SPTB: variants seen among roughly 807,000 people sequenced by gnomAD.
The protein encoded by SPTB is spectrin beta chain, erythrocytic.
SPTB carries 45 observed loss-of-function variants against 256.2 expected under a neutral mutation model. That is an observed-to-expected ratio of 0.18 (90% CI 0.14 to 0.23). The LOEUF (loss-of-function observed/expected upper bound fraction) is 0.23. SPTB is among the 10% of genes least tolerant of loss of function. The pLI, the probability that SPTB is intolerant of heterozygous loss-of-function variation, is 1.00. For synonymous variants in SPTB, 1,231 were observed against 1,243.1 expected, an observed-to-expected ratio of 0.99 and a Z score of 0.21; for missense variants, 2,715 against 3,040.4, an observed-to-expected ratio of 0.89 and a Z score of 2.52.
chr14:64,846,173 ACAGAAGCC>A (rs1031713522), intron 1 of SPTB, among the ~76,000 whole-genome samples: 3 of 152,296 alleles, frequency 2.0e-5, no homozygotes, highest in Middle Eastern at 3.4e-3. Flanking sequence ...CTCCCTACAC[ACAGAAGCC>A]CGATCTCAAC....
At chr14:64,838,470 C>G (rs754724852) in intron 1 of SPTB, among the ~76,000 whole-genome samples, 1 of 152,108 alleles carries the variant, frequency 6.6e-6, no homozygotes, top group Non-Finnish European at 1.5e-5. Context: ...CACGGACTAG[C>G]TGGAATGTTT....
rs2082522585 is a variant in SPTB, at chr14:64,784,244, T to C, written c.4002+3A>G. The C allele has an allele frequency of 6.2e-7, 1 of 1,614,080 alleles. No individual in the cohort carries two copies. Among genetic ancestry groups the C allele is most frequent in the Non-Finnish European group, 8.5e-7 (1 of 1,180,028 alleles). On this transcript the variant is annotated splice_donor_region_variant and intron_variant, in intron 19 of 35. Transcript: ENST00000644917. The stretch of plus-strand genomic sequence containing the variant: ...CCACCCGCCGCCCAATCACTTTACT[T>C]ACCGCATCGATGTTCTCTAGCCACC...
chr14:64,798,085 C>A (rs534149413), intron 9 of SPTB, among the ~76,000 whole-genome samples: 1 of 152,292 alleles, frequency 6.6e-6, no homozygotes, highest in Non-Finnish European at 1.5e-5. Context: ...AGAGAAAACA[C>A]AATGGCCACC....
chr14:64,755,741 C>G (rs966450165), intron 32 of SPTB: 2 of 151,914 alleles, frequency 1.3e-5, no homozygotes, highest in Non-Finnish European at 2.9e-5. Context: ...AATATCTATG[C>G]AGGAAGGAAC....
rs1192200629 is a variant in SPTB, at chr14:64,774,404, G to A, written c.4966C>T (p.Pro1656Ser). Residue 1656 changes from proline to serine, a missense_variant, in exon 24 of 36, where the codon CCT becomes TCT. Physicochemically the swap from Pro to Ser is moderately conservative, Grantham distance 74 (BLOSUM62 -1). This residue lies in a region of SPTB where 2,239 missense variants were observed against 2,384.4 expected (regional missense o/e 0.94). Transcript: ENST00000644917. ...RAQGLLSAGH[P>S]EGEQIIRLQG... is the part of the protein sequence containing the mutation. ...CACAGGGGGCGCACGCACCCCTCAG[G>A]GTGGCCTGCAGACAGCAGGCCCTGG... The A allele has an allele frequency of 1.3e-6, 2 of 1,587,396 alleles. No homozygotes were observed. Among genetic ancestry groups the A allele is most frequent in the African/African-American group, 2.7e-5 (2 of 74,554 alleles).
rs928967104 is a variant in SPTB at position 64,807,587 on chromosome 14, A to G, written c.149-2497T>C. The stretch of plus-strand genomic sequence containing the variant: ...AACGCTTTGCAATGTTGAGACACAG[A>G]AAGATTTCGAGAGGCTAATGATGAT... On this transcript the variant is annotated intron_variant, in intron 2 of 35. Transcript: ENST00000644917. The surrounding 1 kb of genome is among the most constrained non-coding windows in gnomAD (Gnocchi z 4.7). Among the ~76,000 whole-genome samples, 9 of 152,216 alleles carry G rather than the reference A, an allele frequency of 5.9e-5. No individual in the cohort carries two copies. The highest frequency in any genetic ancestry group is 2.2e-4 in the African/African-American group (9 of 41,446).
At chr14:64,854,641 C>G (rs1566804455) in intron 1 of SPTB, among the ~76,000 whole-genome samples, 1 of 151,984 alleles carries the variant, frequency 6.6e-6, no homozygotes, top group South Asian at 2.1e-4. Flanking sequence ...TCTGGACTCT[C>G]TATATTAGTT....
rs868213482 is a variant in SPTB at position 64,819,681 on chromosome 14, C to T, written c.148+3266G>A. ...GCTTTTCCTTCCAACTCAGAACTTC[C>T]AAGGCAAAGGAGGGTGGGGGTTAAG... On this transcript the variant is annotated intron_variant, in intron 2 of 35. Coordinates refer to ENST00000644917, the MANE Select transcript of SPTB (RefSeq NM_001355436.2). Among the ~76,000 whole-genome samples the T allele has an allele frequency of 4.3e-4, 65 of 152,180 alleles. 1 individual carries two copies. In the Middle Eastern group the frequency reaches 0.017, roughly 40 times the overall value.
In SPTB at chr14:64,784,370, C is replaced by T. The variant is rs145433957; in HGVS notation, c.3879G>A (p.Lys1293=). Residue 1293 remains lysine, a synonymous_variant, in exon 19 of 36, where the codon AAG becomes AAA. Transcript: ENST00000644917. ...AGGAGACATCCTGAGATGTCAGCAG[C>T]TTGTCGTTGATCCAGAGAGTGAGCT... ...CQELTLWIND[K]LLTSQDVSYD... 1.3e-3 allele frequency: 2,062 copies of T among 1,614,230 alleles called. 5 individuals carry two copies. The highest frequency in any genetic ancestry group is 1.7e-3 in the Non-Finnish European group (1,966 of 1,180,030).
chr14:64,797,707 A>G, intron 10 of SPTB, 22 bp downstream of exon 10: 1 of 1,542,580 alleles, frequency 6.5e-7, no homozygotes, highest in South Asian at 1.1e-5. Context: ...CTGTCAATGC[A>G]TAACGGAAAA....
chr14:64,817,074 G>A (rs1026697887), intron 2 of SPTB, among the ~76,000 whole-genome samples: 4 of 152,220 alleles, frequency 2.6e-5, no homozygotes, highest in South Asian at 2.1e-4. Context: ...CCATAGAAGG[G>A]AAGCAGCCTT....
chr14:64,807,847 C>T lies in SPTB; in HGVS notation c.149-2757G>A, dbSNP rs553812244. ...GCCTGCTGTCCCCAGGGGACCCAGG[C>T]CATCCTACTGGGACCCACCATGGGA... is the stretch of plus-strand genomic sequence containing the variant. On this transcript the variant is annotated intron_variant, in intron 2 of 35. Coordinates refer to ENST00000644917, the MANE Select transcript of SPTB (RefSeq NM_001355436.2). The surrounding 1 kb of genome is among the most constrained non-coding windows in gnomAD (Gnocchi z 4.7). Among the ~76,000 whole-genome samples the T allele has an allele frequency of 2.0e-5, 3 of 152,320 alleles. No individual in the cohort carries two copies. Among genetic ancestry groups the T allele is most frequent in the African/African-American group, 7.2e-5 (3 of 41,576 alleles).
In SPTB at chr14:64,759,239, G is replaced by A. The variant is rs948548902; in HGVS notation, c.6346-5446C>T. On this transcript the variant is annotated intron_variant, in intron 32 of 35. Coordinates refer to ENST00000644917, the MANE Select transcript of SPTB (RefSeq NM_001355436.2). The surrounding 1 kb of genome is among the most constrained non-coding windows in gnomAD (Gnocchi z 4.8). The stretch of plus-strand genomic sequence containing the variant: ...CACAGGTGGTGTGGGAAGGCAGGGA[G>A]CCAAGTAGCTAGGCAGGGAGCCAAG... 1.8e-5 allele frequency among the ~76,000 whole-genome samples: 2 copies of A among 109,076 alleles called. No homozygotes were observed. The highest frequency in any genetic ancestry group is 8.2e-5 in the African/African-American group (2 of 24,522). 71.6% of individuals were successfully genotyped at this position (109,076 alleles called of 152,430 possible).
intron 2 of SPTB, among the ~76,000 whole-genome samples, chr14:64,818,877 C>T (rs2139686377): frequency 6.6e-6 from 1 of 152,298 alleles, no homozygotes; most frequent in Admixed American, 6.5e-5. Context: ...CCTGTAATCC[C>T]TGAAAACAGG....
intron 32 of SPTB, among the ~76,000 whole-genome samples, chr14:64,763,284 G>A (rs1395906426): frequency 6.6e-6 from 1 of 152,202 alleles, no homozygotes; most frequent in East Asian, 1.9e-4. Flanking sequence ...AGGTCTGCCT[G>A]CCCACTGCCG....
rs1014726545 is a variant in SPTB at position 64,807,888 on chromosome 14, A to G, written c.149-2798T>C. On this transcript the variant is annotated intron_variant, in intron 2 of 35. Transcript: ENST00000644917. The surrounding 1 kb of genome is among the most constrained non-coding windows in gnomAD (Gnocchi z 4.7). ...CACCATGGGAAGGAGGCCTCAGCAC[A>G]GCCCTGCCAGGAGCCAGGCCTTATT... 6.6e-6 allele frequency among the ~76,000 whole-genome samples: 1 copy of G among 152,222 alleles called. No homozygotes were observed. Among genetic ancestry groups the G allele is most frequent in the African/African-American group, 2.4e-5 (1 of 41,474 alleles).
chr14:64,780,618 G>A (rs1453537124), intron 20 of SPTB, among the ~76,000 whole-genome samples: 1 of 152,190 alleles, frequency 6.6e-6, no homozygotes, highest in Non-Finnish European at 1.5e-5. Context: ...TCTCCATGTT[G>A]GTCAGGCTGG....
At position 64,775,244 on chromosome 14, in the gene SPTB, C is replaced by G. The variant is rs368865153; in HGVS notation, c.4723G>C (p.Gly1575Arg). 1.2e-6 allele frequency: 2 copies of G among 1,613,584 alleles called. No homozygotes were observed. Among genetic ancestry groups the G allele is most frequent in the Admixed American group, 1.7e-5 (1 of 59,996 alleles). ...SWDRLREAAA[G>R]RLQRLRDANE... ...GCGTCCCTCAGTCGCTGCAGCCTCC[C>G]GGCCGCTGCCTCCCGCAGCCTGTCC... Residue 1575 changes from glycine (G) to arginine (R), a missense_variant, in exon 23 of 36, where the codon GGG becomes CGG. Coordinates refer to ENST00000644917, the MANE Select transcript of SPTB (RefSeq NM_001355436.2). The surrounding 1 kb of genome is among the most constrained non-coding windows in gnomAD (Gnocchi z 5.0).
chr14:64,878,956 C>A lies in SPTB; in HGVS notation c.-52+836G>T, dbSNP rs577769919. On this transcript the variant is annotated intron_variant, in intron 1 of 35. Coordinates refer to ENST00000644917, the MANE Select transcript of SPTB (RefSeq NM_001355436.2). Reference sequence around the variant, plus strand: ...AGCTCGTTGTCAGGGAAACAGCACTCCAGCCCCGCAGCTGCTTCCCCAGCC... The same window carrying A: ...AGCTCGTTGTCAGGGAAACAGCACTACAGCCCCGCAGCTGCTTCCCCAGCC... Among the ~76,000 whole-genome samples, 12 of 152,326 alleles carry A rather than the reference C, an allele frequency of 7.9e-5. No homozygotes were observed. In the East Asian group the frequency reaches 1.9e-3, roughly 24 times the overall value.
Sources: allele counts gnomAD v4.1 joint callset (sites outside exome capture counted in the v4.1 genomes callset), GRCh38; gene constraint gnomAD v4.1.1; regional missense constraint gnomAD v4.1.1; non-coding constraint Gnocchi (gnomAD v3.1); transcripts MANE v1.5; gene names NCBI Gene and HGNC (gene_info 2026-07-23, HGNC 2026-07-21).